VSTM1: variants seen among roughly 807,000 people sequenced by gnomAD.
The protein encoded by VSTM1 is V-set and transmembrane domain-containing protein 1.
Under a neutral mutation model 33.1 loss-of-function variants are expected in VSTM1, and 27 were observed. The observed-to-expected ratio is 0.82, with a 90% CI of 0.60 to 1.12. The LOEUF is 1.12. Among genes scored for constraint, VSTM1 ranks in the 50% most tolerant of loss-of-function variants. The probability of loss-of-function intolerance (pLI) is 0.00; values close to 1 mark genes in which losing one functional copy is unlikely to be tolerated. For missense variants in VSTM1, 304 were observed against 288.9 expected, an observed-to-expected ratio of 1.05 and a Z score of -0.38; for synonymous variants, 115 against 110.3, an observed-to-expected ratio of 1.04 and a Z score of -0.27.
At chr19:54,061,377 C>T (rs907722547) in intron 1 of VSTM1, among the ~76,000 whole-genome samples, 5 of 152,118 alleles carry the variant, frequency 3.3e-5, no homozygotes, top group African/African-American at 1.2e-4. Flanking sequence ...GCGAATGTGA[C>T]CTTATTTGAA....
chr19:54,045,761 ATG>A (rs2070548923), intron 4 of VSTM1, among the ~76,000 whole-genome samples: 1 of 152,062 alleles, frequency 6.6e-6, no homozygotes, highest in Non-Finnish European at 1.5e-5. Flanking sequence ...CTAGGTATCT[ATG>A]TATCTATCTG....
Position 54,041,929 on chromosome 19 carries a change from C to T in VSTM1, c.540G>A (p.Glu180=). 6.2e-7 allele frequency: 1 copy of T among 1,614,140 alleles called. No individual in the cohort carries two copies. Among genetic ancestry groups the T allele is most frequent in the Non-Finnish European group, 8.5e-7 (1 of 1,180,048 alleles). ...CCTGTCCCTTACCGGCAGCCTCCTG[C>T]TCCGGAAGTTTGGAATGGCTGGTTC... is the stretch of plus-strand genomic sequence containing the variant. ...TKRTSHSKLP[E]QEAAEADLSN... Residue 180 remains glutamate (E), a synonymous_variant, in exon 7 of 9, where the codon GAG becomes GAA. Coordinates refer to ENST00000338372, the MANE Select transcript of VSTM1 (RefSeq NM_198481.4).
chr19:54,049,447 A>G (rs1477144235), intron 4 of VSTM1, among the ~76,000 whole-genome samples: 1 of 152,234 alleles, frequency 6.6e-6, no homozygotes, highest in African/African-American at 2.4e-5. Flanking sequence ...ATACTACCTC[A>G]TGAAGATACA....
Position 54,057,062 on chromosome 19 carries a change from G to A in VSTM1, c.355+1244C>T, listed in dbSNP as rs549519881. ...GTAGAGGTGAGGTTTCACCATGTTG[G>A]CCAGGCTGGTCTCGAACTCCCGACC... is the stretch of plus-strand genomic sequence containing the variant. On this transcript the variant is annotated intron_variant, in intron 3 of 8. Coordinates refer to ENST00000338372, the MANE Select transcript of VSTM1 (RefSeq NM_198481.4). Among the ~76,000 whole-genome samples the A allele has an allele frequency of 7.2e-5, 10 of 139,408 alleles. 1 individual carries two copies. The highest frequency in any genetic ancestry group is 1.5e-4 in the Admixed American group (2 of 13,586). 91.5% of individuals were successfully genotyped at this position (139,408 alleles called of 152,430 possible).
At chr19:54,044,095 C>T (rs995632687) in intron 4 of VSTM1, among the ~76,000 whole-genome samples, 11 of 151,952 alleles carry the variant, frequency 7.2e-5, no homozygotes, top group Non-Finnish European at 1.6e-4. Flanking sequence ...TCAATGAGCT[C>T]GTTGATGCCA....
At chr19:54,052,981 C>CA (rs34017003) in intron 3 of VSTM1, 37,943 of 50,964 alleles carry the variant, frequency 0.74, 14,963 homozygotes, top group African/African-American at 0.9. Flanking sequence ...GACCCTGTCT[C>CA]AAAAAAAAAA....
chr19:54,063,674 C>T, intron 1 of VSTM1, 70 bp downstream of exon 1: 1 of 1,587,248 alleles, frequency 6.3e-7, no homozygotes. Context: ...GCATTTCCAC[C>T]TGGACTGCCA....
chr19:54,055,770 T>G lies in VSTM1; in HGVS notation c.355+2536A>C, dbSNP rs1412780787. 3 of 142,560 alleles carry G rather than the reference T, an allele frequency of 2.1e-5. 1 individual carries two copies. Among genetic ancestry groups the G allele is most frequent in the Non-Finnish European group, 4.7e-5 (3 of 64,488 alleles). The allele number at this position is 142,560 out of a possible 1,614,324, so 8.8% of individuals were successfully genotyped here. On this transcript the variant is annotated intron_variant, in intron 3 of 8. Transcript: ENST00000338372. Reference sequence around the variant, plus strand: ...CCTGGAGTCATCCCAGGGTCTACATTGACTGAGAGCAAAGGTTCTGGGAGT... The same window carrying G: ...CCTGGAGTCATCCCAGGGTCTACATGGACTGAGAGCAAAGGTTCTGGGAGT...
At chr19:54,041,684 G>T in intron 8 of VSTM1, 95 bp downstream of exon 8, 2 of 1,312,242 alleles carry the variant, frequency 1.5e-6, no homozygotes, top group Non-Finnish European at 1.1e-6. Flanking sequence ...GTGATAAACA[G>T]TATACATTTC....
chr19:54,044,532 A>G (rs2070476794), intron 4 of VSTM1, among the ~76,000 whole-genome samples: 1 of 152,168 alleles, frequency 6.6e-6, no homozygotes, highest in Non-Finnish European at 1.5e-5. Flanking sequence ...TGCATCATAC[A>G]CTCAACTGAC....
chr19:54,057,948 T>C (rs1197948827), intron 3 of VSTM1, among the ~76,000 whole-genome samples: 1 of 148,722 alleles, frequency 6.7e-6, no homozygotes, highest in African/African-American at 2.5e-5. Context: ...TTATTAAAAA[T>C]ACAAAAATTA....
chr19:54,050,866 C>T (rs1434680519), intron 4 of VSTM1, among the ~76,000 whole-genome samples: 1 of 151,658 alleles, frequency 6.6e-6, no homozygotes, highest in Non-Finnish European at 1.5e-5. Context: ...GTGGTGGGTG[C>T]CTGTAATCCC....
intron 3 of VSTM1, among the ~76,000 whole-genome samples, chr19:54,057,172 T>G (rs1158741282): frequency 7.2e-6 from 1 of 138,950 alleles, no homozygotes; most frequent in African/African-American, 2.6e-5. Flanking sequence ...GCATCTATCT[T>G]TTTGTCTCCT....
chr19:54,062,877 G>C (rs1238325653), intron 1 of VSTM1, among the ~76,000 whole-genome samples: 1 of 152,172 alleles, frequency 6.6e-6, no homozygotes, highest in Non-Finnish European at 1.5e-5. Context: ...GGAGGAACTG[G>C]GGCCTTAGGG....
At chr19:54,049,809 C>G (rs1188054779) in intron 4 of VSTM1, among the ~76,000 whole-genome samples, 1 of 152,060 alleles carries the variant, frequency 6.6e-6, no homozygotes, top group Non-Finnish European at 1.5e-5. Flanking sequence ...TATACCAGCA[C>G]AGACTGCTAG....
At chr19:54,061,804 A>T (rs1274805032) in intron 1 of VSTM1, among the ~76,000 whole-genome samples, 1 of 151,554 alleles carries the variant, frequency 6.6e-6, no homozygotes, top group Non-Finnish European at 1.5e-5. Context: ...ACTGAGTGAG[A>T]CCCTGTCTAA....
rs574090079 is a variant in VSTM1, at chr19:54,051,279, G to A, written c.394+131C>T. ...TGTACTCCAGCCTTGGTGACAAAGC[G>A]AGACTCTATCTCAAAAAACAAACAA... On this transcript the variant is annotated intron_variant, in intron 4 of 8. Transcript: ENST00000338372. 618 of 852,094 alleles carry A rather than the reference G, an allele frequency of 7.3e-4. 2 individuals carry two copies. Among genetic ancestry groups the A allele is most frequent in the East Asian group, 1.8e-4 (6 of 34,262 alleles). The allele number at this position is 852,094 out of a possible 1,614,324, so 52.8% of individuals were successfully genotyped here.
chr19:54,047,227 G>A (rs765285248), intron 4 of VSTM1, among the ~76,000 whole-genome samples: 15 of 151,954 alleles, frequency 9.9e-5, no homozygotes, highest in African/African-American at 2.4e-4. Context: ...AAAATAAAAC[G>A]TCACTTTCAC....
intron 4 of VSTM1, among the ~76,000 whole-genome samples, chr19:54,044,240 G>A (rs989906766): frequency 7.2e-5 from 11 of 152,148 alleles, no homozygotes; most frequent in Admixed American, 7.2e-4. Context: ...TTCCTAATAA[G>A]AACAGGGTTA....
Sources: allele counts gnomAD v4.1 joint callset (sites outside exome capture counted in the v4.1 genomes callset), GRCh38; gene constraint gnomAD v4.1.1; transcripts MANE v1.5; gene names NCBI Gene and HGNC (gene_info 2026-07-23, HGNC 2026-07-21).